Variants in DPYSL4 observed in about 807,000 individuals in gnomAD.
DPYSL4 encodes dihydropyrimidinase-related protein 4.
In DPYSL4, 43 loss-of-function variants were observed where a neutral mutation model predicts 63.4. The observed-to-expected ratio is 0.68, with a 90% CI of 0.53 to 0.88. The LOEUF (loss-of-function observed/expected upper bound fraction) is 0.88. DPYSL4 is among the 40% of genes least tolerant of loss of function. The pLI is 0.00. For synonymous variants in DPYSL4, 353 were observed against 331.7 expected (o/e 1.06, Z -0.70); for missense variants, 733 against 819.5 (o/e 0.89, Z 1.29).
chr10:132,189,280 G>C (rs1389814203), intron 1 of DPYSL4, among the ~76,000 whole-genome samples: 1 of 152,246 alleles, frequency 6.6e-6, no homozygotes, highest in South Asian at 2.1e-4. Flanking sequence ...AGTCCAGCCC[G>C]TGGGCGCGTC....
intron 7 of DPYSL4, 51 bp from the exon 8 acceptor site, chr10:132,198,800 C>G (rs752631686): frequency 1.2e-6 from 2 of 1,604,072 alleles, no homozygotes; most frequent in African/African-American, 2.7e-5. Flanking sequence ...CCACACTGGT[C>G]TGGAGCCCCA....
chr10:132,202,651 G>A lies in DPYSL4; in HGVS notation c.1287G>A (p.Val429=), dbSNP rs1304262497. Residue 429 remains valine (V), a synonymous_variant, in exon 12 of 14, where the codon GTG becomes GTA. Coordinates refer to ENST00000338492, the MANE Select transcript of DPYSL4 (RefSeq NM_006426.3). ...CCTCGGGCCTCTCTCCCCAGAACGTGGAGTACAACATCTTCGAGGGAGTGG... is the reference window on the plus strand; with the variant it reads ...CCTCGGGCCTCTCTCCCCAGAACGTAGAGTACAACATCTTCGAGGGAGTGG... The part of the protein sequence containing the change: ...IISAKTHNLN[V]EYNIFEGVEC... 1 of 1,612,538 alleles carries A rather than the reference G, an allele frequency of 6.2e-7. No homozygotes were observed. Among genetic ancestry groups the A allele is most frequent in the Non-Finnish European group, 8.5e-7 (1 of 1,179,940 alleles).
chr10:132,195,556 G>T (rs910181336), intron 4 of DPYSL4, among the ~76,000 whole-genome samples: 1 of 152,180 alleles, frequency 6.6e-6, no homozygotes, highest in East Asian at 1.9e-4. Flanking sequence ...GCGGGATGGG[G>T]TCCAAGCAAG....
intron 9 of DPYSL4, 35 bp downstream of exon 9, chr10:132,200,547 G>A (rs370165933): frequency 4.2e-5 from 67 of 1,607,790 alleles, no homozygotes; most frequent in South Asian, 2.8e-4. Context: ...CAGGTTGGCC[G>A]CCCGCTGCAC....
At chr10:132,203,137 A>C (rs1233552479) in intron 12 of DPYSL4, among the ~76,000 whole-genome samples, 1 of 152,216 alleles carries the variant, frequency 6.6e-6, no homozygotes, top group African/African-American at 2.4e-5. Flanking sequence ...AAGTGAGCAG[A>C]AATCTAGCTC....
In DPYSL4 at chr10:132,201,934, C is replaced by G. The variant is rs775408450; in HGVS notation, c.1111-12C>G. Reference sequence around the variant, plus strand: ...CACCCGTCGCCCTCAGCTCAGCCTTCTTGTTCCCCAGGCCTCTGGGAAGAT... The same window carrying G: ...CACCCGTCGCCCTCAGCTCAGCCTTGTTGTTCCCCAGGCCTCTGGGAAGAT... On this transcript the variant is annotated splice_polypyrimidine_tract_variant and intron_variant, in intron 10 of 13. Coordinates refer to ENST00000338492, the MANE Select transcript of DPYSL4 (RefSeq NM_006426.3). The G allele has an allele frequency of 3.7e-6, 6 of 1,607,988 alleles. No homozygotes were observed. The East Asian group carries it at 1.3e-4, about 36-fold the overall frequency.
At chr10:132,202,881 A>T (rs1467360983) in intron 12 of DPYSL4, 56 bp downstream of exon 12, 1 of 1,543,888 alleles carries the variant, frequency 6.5e-7, no homozygotes, top group African/African-American at 1.4e-5. Flanking sequence ...GCTGAGTTCT[A>T]GGCCCAGAAC....
At chr10:132,195,963 G>T (rs1053066396) in intron 4 of DPYSL4, among the ~76,000 whole-genome samples, 1 of 152,242 alleles carries the variant, frequency 6.6e-6, no homozygotes, top group Admixed American at 6.5e-5. Context: ...TGCCCACGGG[G>T]TAGTGTTGCA....
intron 13 of DPYSL4, among the ~76,000 whole-genome samples, chr10:132,204,487 C>G (rs2137527995): frequency 6.6e-6 from 1 of 152,288 alleles, no homozygotes; most frequent in African/African-American, 2.4e-5. Flanking sequence ...GGGCAGGTCC[C>G]TGAGAACCCG....
At position 132,202,102 on chromosome 10, in the gene DPYSL4, A is replaced by G; in HGVS notation, c.1267A>G (p.Lys423Glu). ...CAAGGCCACCAAGATCATCTCTGCC[A>G]AGACCCACAATCTGGTAAGAGAAGG... Reference protein sequence around the residue: ...NPKATKIISAKTHNLNVEYNI... With the variant: ...NPKATKIISAETHNLNVEYNI... Residue 423 changes from lysine (K) to glutamate (E), a missense_variant, in exon 11 of 14, where the codon AAG becomes GAG. Transcript: ENST00000338492. 1.2e-6 allele frequency: 2 copies of G among 1,612,692 alleles called. No homozygotes were observed. Among genetic ancestry groups the G allele is most frequent in the Non-Finnish European group, 1.7e-6 (2 of 1,179,724 alleles).
At chr10:132,193,378 G>A in intron 3 of DPYSL4, among the ~76,000 whole-genome samples, 1 of 152,250 alleles carries the variant, frequency 6.6e-6, no homozygotes, top group South Asian at 2.1e-4. Flanking sequence ...CCCGGCACGG[G>A]CTCTATCCTG....
At chr10:132,194,250 G>T (rs562986578) in intron 3 of DPYSL4, among the ~76,000 whole-genome samples, 1 of 152,254 alleles carries the variant, frequency 6.6e-6, no homozygotes, top group Non-Finnish European at 1.5e-5. Flanking sequence ...CCTCCTGTCC[G>T]ACCACCTGGC....
chr10:132,200,639 A>C, intron 9 of DPYSL4, 127 bp downstream of exon 9: 1 of 1,407,494 alleles, frequency 7.1e-7, no homozygotes, highest in Non-Finnish European at 9.5e-7. Context: ...CGGGTGGGGA[A>C]GTCTGAGCCC....
In DPYSL4 at chr10:132,198,423, G is replaced by C. The variant is rs1256848400; in HGVS notation, c.630G>C (p.Lys210Asn). 1 of 1,606,378 alleles carries C rather than the reference G, an allele frequency of 6.2e-7. No homozygotes were observed. The highest frequency in any genetic ancestry group is 1.3e-5 in the African/African-American group (1 of 75,004). ...ENGDIVEEEQ[K>N]RLLELGITGP... ...CCTGTTGGTTTCTTTAGGAGCAGAA[G>C]CGGTTGCTGGAGCTCGGCATCACTG... Residue 210 changes from lysine to asparagine, a missense_variant, in exon 7 of 14, where the codon AAG becomes AAC. Physicochemically the swap from Lys to Asn is moderately conservative, Grantham distance 94. Coordinates refer to ENST00000338492, the MANE Select transcript of DPYSL4 (RefSeq NM_006426.3).
At chr10:132,196,824 G>A in intron 4 of DPYSL4, 37 bp from the exon 5 acceptor site, 3 of 1,611,608 alleles carry the variant, frequency 1.9e-6, no homozygotes, top group South Asian at 1.1e-5. Context: ...TGTCTGACTG[G>A]TGATGGCTGA....
At position 132,205,306 on chromosome 10, in the gene DPYSL4, G is replaced by A. The variant is rs1013282990; in HGVS notation, c.*376G>A. 1.1e-5 allele frequency: 2 copies of A among 176,478 alleles called. No homozygotes were observed. The highest frequency in any genetic ancestry group is 2.4e-5 in the Non-Finnish European group (2 of 83,992). The allele number at this position is 176,478 out of a possible 1,614,324, so 10.9% of individuals were successfully genotyped here. On this transcript the variant is annotated 3_prime_UTR_variant, in exon 14 of 14. Transcript: ENST00000338492. Reference sequence around the variant, plus strand: ...CTTCTTGGTGAACCGGCGAGGGGCCGAGTCCCGCCTGGTGGGCATTTGCCG... The same window carrying A: ...CTTCTTGGTGAACCGGCGAGGGGCCAAGTCCCGCCTGGTGGGCATTTGCCG...
At position 132,187,053 on chromosome 10, in the gene DPYSL4, C is replaced by T. The variant is rs746361938; in HGVS notation, c.-11C>T. On this transcript the variant is annotated 5_prime_UTR_variant, in exon 1 of 14. Transcript: ENST00000338492. ...CTTGTGCCGCCCCTACCAGAGACCC[C>T]CAGGAGCAGGATGTCCTTCCAGGGC... The T allele has an allele frequency of 5.0e-5, 72 of 1,433,320 alleles. No individual in the cohort carries two copies. Among genetic ancestry groups the T allele is most frequent in the Non-Finnish European group, 6.5e-5 (70 of 1,075,236 alleles). 88.8% of individuals were successfully genotyped at this position (1,433,320 alleles called of 1,614,324 possible).
chr10:132,197,145 CGTGGGGCAGGGGCTGCCTGTGGG>C (rs1287538800), intron 6 of DPYSL4, 44 bp downstream of exon 6: 54 of 1,448,142 alleles, frequency 3.7e-5, no homozygotes, highest in East Asian at 1.7e-4. Context: ...CAGGGGCTGC[CGTGGGGCAGGGGCTGCCTGTGGG>C]GTGGGGCAGG....
chr10:132,198,277 G>T, intron 6 of DPYSL4, 138 bp from the exon 7 acceptor site: 1 of 741,006 alleles, frequency 1.3e-6, no homozygotes, highest in Non-Finnish European at 2.2e-6. Context: ...TATTCTGAGT[G>T]TTCTGTGGCT....
Sources: allele counts gnomAD v4.1 joint callset (sites outside exome capture counted in the v4.1 genomes callset), GRCh38; gene constraint gnomAD v4.1.1; transcripts MANE v1.5; gene names NCBI Gene and HGNC (gene_info 2026-07-23, HGNC 2026-07-21).